Variants in IFT140 observed in about 807,000 individuals in gnomAD.
IFT140 encodes the protein intraflagellar transport protein 140 homolog.
In IFT140, 133 loss-of-function variants were observed where a neutral mutation model predicts 164.6. That is an observed-to-expected ratio of 0.81 (90% CI 0.70 to 0.93). IFT140 has a LOEUF of 0.93. Ranked by LOEUF, IFT140 falls within the 40% of genes least tolerant of loss-of-function variation. The pLI is 0.00. For synonymous variants in IFT140, 860 were observed against 817.3 expected (o/e 1.05, Z -0.89); for missense variants, 2,045 against 1,972.3 (o/e 1.04, Z -0.70).
chr16:1,539,009 C>A (rs1161888906), intron 19 of IFT140, among the ~76,000 whole-genome samples: 1 of 151,620 alleles, frequency 6.6e-6, no homozygotes, highest in Non-Finnish European at 1.5e-5. Flanking sequence ...TGCCACGCGG[C>A]CCCCCACCTC....
intron 4 of IFT140, among the ~76,000 whole-genome samples, chr16:1,597,817 T>A (rs1249149518): frequency 6.6e-6 from 1 of 152,214 alleles, no homozygotes; most frequent in Admixed American, 6.5e-5. Flanking sequence ...AGATGGGGTC[T>A]TGCTATGTTG....
chr16:1,529,412 G>A (rs1267173892), intron 19 of IFT140, among the ~76,000 whole-genome samples: 1 of 152,210 alleles, frequency 6.6e-6, no homozygotes, highest in Non-Finnish European at 1.5e-5. Context: ...ACAGCACCTG[G>A]GTGCACCCAC....
chr16:1,539,826 C>G (rs530049456), intron 19 of IFT140, among the ~76,000 whole-genome samples: 1 of 152,330 alleles, frequency 6.6e-6, no homozygotes, highest in South Asian at 2.1e-4. Flanking sequence ...CTCATGGTGC[C>G]ATGTGCTGGC....
Position 1,564,129 on chromosome 16 carries a change from A to C in IFT140, c.1935T>G (p.Asn645Lys). 6.3e-7 allele frequency: 1 copy of C among 1,587,108 alleles called. No individual in the cohort carries two copies. The highest frequency in any genetic ancestry group is 8.6e-7 in the Non-Finnish European group (1 of 1,159,790). ...CCCAGAAGTGGTTCACGGGAACATAATTTTTCAGTCCCTCATCCACAAAGA... is the reference window on the plus strand; with the variant it reads ...CCCAGAAGTGGTTCACGGGAACATACTTTTTCAGTCCCTCATCCACAAAGA... ...SHLFVDEGLK[N>K]YVPVNHFWDQ... Residue 645 changes from asparagine (N) to lysine (K), a missense_variant, in exon 17 of 31, where the codon AAT (asparagine) becomes AAG (lysine). Physicochemically the swap from Asn to Lys is moderately conservative, Grantham distance 94. Coordinates refer to ENST00000426508, the MANE Select transcript of IFT140 (RefSeq NM_014714.4). The surrounding 1 kb of genome is among the most constrained non-coding windows in gnomAD (Gnocchi z 5.5).
intron 4 of IFT140, among the ~76,000 whole-genome samples, chr16:1,596,173 T>C (rs780925419): frequency 7.1e-6 from 1 of 141,308 alleles, no homozygotes; most frequent in Non-Finnish European, 1.5e-5. Context: ...CACCTAATGA[T>C]AGAAATGAAA....
intron 11 of IFT140, 37 bp from the exon 12 acceptor site, chr16:1,583,423 GA>G: frequency 1.3e-6 from 2 of 1,583,124 alleles, no homozygotes; most frequent in South Asian, 1.1e-5. Flanking sequence ...CAAAGGGCGG[GA>G]AAAGTGAGGT....
At chr16:1,544,786 C>T (rs1259524765) in intron 19 of IFT140, among the ~76,000 whole-genome samples, 1 of 150,978 alleles carries the variant, frequency 6.6e-6, no homozygotes, top group Non-Finnish European at 1.5e-5. Context: ...GTAGCTGGGA[C>T]TACAGGCACC....
chr16:1,534,487 A>G (rs768423647), intron 19 of IFT140: 8 of 1,610,322 alleles, frequency 5.0e-6, no homozygotes, highest in African/African-American at 1.3e-5. Flanking sequence ...GTGGACGCAC[A>G]TGACTGTGAG....
intron 17 of IFT140, among the ~76,000 whole-genome samples, chr16:1,563,635 C>T (rs1247585987): frequency 6.6e-6 from 1 of 152,012 alleles, no homozygotes; most frequent in Non-Finnish European, 1.5e-5. Flanking sequence ...TAGCTCAAAA[C>T]AGACCTAGCA....
intron 19 of IFT140, among the ~76,000 whole-genome samples, chr16:1,535,986 G>A (rs1315582220): frequency 2.6e-5 from 4 of 152,224 alleles, no homozygotes; most frequent in Admixed American, 6.5e-5. Context: ...CCGCAGCCCC[G>A]TTACTGTGCT....
chr16:1,602,023 A>G (rs1222094005), intron 4 of IFT140, among the ~76,000 whole-genome samples: 1 of 152,220 alleles, frequency 6.6e-6, no homozygotes, highest in Non-Finnish European at 1.5e-5. Context: ...ACAACAGAAA[A>G]TGTGACTGGA....
chr16:1,605,817 T>C (rs544927497), intron 3 of IFT140, among the ~76,000 whole-genome samples: 4 of 152,206 alleles, frequency 2.6e-5, no homozygotes, highest in Admixed American at 2.6e-4. Flanking sequence ...CCCACAAAGA[T>C]ATGTGGAAGT....
In IFT140 at chr16:1,586,244, T is replaced by C; in HGVS notation, c.1041A>G (p.Arg347=). ...GLLAAGTDRG[R]VAMWRKVPDF... ...CTGGTACTTTCCTCCACATGGCTAC[T>C]CGCCCTCTGTCGGTACCAGCGGCCA... The change falls in exon 10 of 31, where the codon CGA becomes CGG. Residue 347 remains arginine, a synonymous_variant. Transcript: ENST00000426508. The C allele has an allele frequency of 6.2e-7, 1 of 1,613,890 alleles. No homozygotes were observed. Among genetic ancestry groups the C allele is most frequent in the Non-Finnish European group, 8.5e-7 (1 of 1,179,930 alleles).
At chr16:1,538,402 T>C (rs1180884423) in intron 19 of IFT140, among the ~76,000 whole-genome samples, 1 of 152,154 alleles carries the variant, frequency 6.6e-6, no homozygotes, top group African/African-American at 2.4e-5. Context: ...GGAACCTTGG[T>C]CACTCACCCT....
At position 1,545,152 on chromosome 16, in the gene IFT140, C is replaced by G. The variant is rs367635945; in HGVS notation, c.2399+12783G>C. On this transcript the variant is annotated intron_variant, in intron 19 of 30. Transcript: ENST00000426508. ...CTAAACCGAGCTGTCTTACAGCATT[C>G]CCGGGGGACAGGGCTGGAGGCCTTC... Among the ~76,000 whole-genome samples the G allele has an allele frequency of 1.1e-4, 16 of 152,356 alleles. No individual in the cohort carries two copies. In the East Asian group the frequency reaches 2.7e-3, roughly 26 times the overall value.
chr16:1,609,754 A>G (rs2036247765), intron 2 of IFT140, among the ~76,000 whole-genome samples: 1 of 152,240 alleles, frequency 6.6e-6, no homozygotes, highest in Non-Finnish European at 1.5e-5. Flanking sequence ...TTATCAGTAT[A>G]ATTTAAAAAG....
rs373007828 is a variant in IFT140 at position 1,544,850 on chromosome 16, G to A, written c.2399+13085C>T. ...TTTTTAGTAGAGACGGGGTTTCACCGTGTTAGCCAGGATGGTCTCGATCTC... is the reference window on the plus strand; with the variant it reads ...TTTTTAGTAGAGACGGGGTTTCACCATGTTAGCCAGGATGGTCTCGATCTC... On this transcript the variant is annotated intron_variant, in intron 19 of 30. Coordinates refer to ENST00000426508, the MANE Select transcript of IFT140 (RefSeq NM_014714.4). Among the ~76,000 whole-genome samples, 26 of 149,090 alleles carry A rather than the reference G, an allele frequency of 1.7e-4. No homozygotes were observed. The East Asian group carries it at 2.3e-3, about 13-fold the overall frequency.
chr16:1,579,763 G>A (rs937562781), intron 13 of IFT140, among the ~76,000 whole-genome samples: 1 of 152,074 alleles, frequency 6.6e-6, no homozygotes, highest in South Asian at 2.1e-4. Context: ...TCAGGAGTTC[G>A]AGATCAGCCT....
chr16:1,525,372 C>A, intron 21 of IFT140, 46 bp from the exon 22 acceptor site: 1 of 1,472,238 alleles, frequency 6.8e-7, no homozygotes, highest in Non-Finnish European at 9.4e-7. Flanking sequence ...CCATCCCAGC[C>A]CCACGGGAAC....
Sources: gnomAD v4.1 joint callset for allele counts (sites outside exome capture counted in the v4.1 genomes callset) on GRCh38, gnomAD v4.1.1 for gene constraint, Gnocchi (gnomAD v3.1) non-coding constraint, MANE v1.5 for transcripts, NCBI Gene and HGNC (gene_info 2026-07-23, HGNC 2026-07-21) for gene names.